The following SPON1 variants were observed in gnomAD, a reference collection of about 807,000 sequenced individuals.
The protein encoded by SPON1 is spondin-1.
SPON1 carries 52 observed loss-of-function variants against 111.7 expected under a neutral mutation model. The observed-to-expected ratio is 0.47, with a 90% CI of 0.37 to 0.59. SPON1 has a LOEUF of 0.59. Among genes scored for constraint, SPON1 ranks in the 20% least tolerant of loss-of-function variants. The pLI is 0.00. For missense variants in SPON1, 957 were observed against 1,068.5 expected (o/e 0.90, Z 1.46); for synonymous variants, 410 against 395.8 (o/e 1.04, Z -0.43).
At chr11:14,110,214 G>A (rs1849217215) in intron 5 of SPON1, among the ~76,000 whole-genome samples, 1 of 152,140 alleles carries the variant, frequency 6.6e-6, no homozygotes, top group South Asian at 2.1e-4. Context: ...GTGAATTGCA[G>A]CTCCCCTTTT....
intron 6 of SPON1, among the ~76,000 whole-genome samples, chr11:14,199,813 C>T (rs1848442161): frequency 6.6e-6 from 1 of 152,198 alleles, no homozygotes; most frequent in African/African-American, 2.4e-5. Flanking sequence ...GGGTGCAAGC[C>T]CTCAGTGGGG....
chr11:14,102,581 G>C (rs1849152388), intron 5 of SPON1, among the ~76,000 whole-genome samples: 1 of 152,098 alleles, frequency 6.6e-6, no homozygotes, highest in South Asian at 2.1e-4. Context: ...TAAAAATTCT[G>C]GTTCAAGATC....
chr11:14,049,952 A>C (rs561613752), intron 3 of SPON1, among the ~76,000 whole-genome samples: 2 of 152,320 alleles, frequency 1.3e-5, no homozygotes, highest in African/African-American at 4.8e-5. Flanking sequence ...CCTCAGGTCT[A>C]TCAGAGAAAG....
At chr11:14,224,750 G>A (rs1025412) in intron 6 of SPON1, 257,748 of 499,704 alleles carry the variant, frequency 0.52, 67,987 homozygotes, top group East Asian at 0.62. Context: ...GTGAAAGACT[G>A]AGGGAGATAT....
At chr11:13,994,514 G>A (rs1848255620) in intron 2 of SPON1, among the ~76,000 whole-genome samples, 1 of 152,136 alleles carries the variant, frequency 6.6e-6, no homozygotes, top group Non-Finnish European at 1.5e-5. Flanking sequence ...CATGGCCACT[G>A]ATGTGAAGGG....
chr11:14,112,376 A>G (rs1849232861), intron 5 of SPON1, among the ~76,000 whole-genome samples: 1 of 152,200 alleles, frequency 6.6e-6, no homozygotes, highest in Non-Finnish European at 1.5e-5. Context: ...CATTACATCT[A>G]AAGCTTTATT....
intron 2 of SPON1, among the ~76,000 whole-genome samples, chr11:14,035,881 G>C (rs1178664768): frequency 6.6e-6 from 1 of 152,132 alleles, no homozygotes; most frequent in East Asian, 1.9e-4. Context: ...GCCTCCCAAA[G>C]TGCTGGGGTT....
intron 2 of SPON1, among the ~76,000 whole-genome samples, chr11:14,022,196 T>C (rs1327200715): frequency 6.6e-6 from 1 of 152,214 alleles, no homozygotes; most frequent in African/African-American, 2.4e-5. Flanking sequence ...AAAAGACATT[T>C]GGTTATTTTT....
chr11:13,986,205 A>T (rs971208242), intron 2 of SPON1, among the ~76,000 whole-genome samples: 2 of 152,194 alleles, frequency 1.3e-5, no homozygotes, highest in Non-Finnish European at 2.9e-5. Context: ...AAAGTCAACA[A>T]GTCACCCATT....
intron 3 of SPON1, among the ~76,000 whole-genome samples, chr11:14,059,460 C>T (rs1435289604): frequency 6.6e-6 from 1 of 152,094 alleles, no homozygotes; most frequent in African/African-American, 2.4e-5. Flanking sequence ...GTAGACCCCC[C>T]ACTACCCCCT....
intron 2 of SPON1, among the ~76,000 whole-genome samples, chr11:14,004,045 C>T (rs1270121202): frequency 1.3e-5 from 2 of 152,020 alleles, no homozygotes; most frequent in African/African-American, 4.8e-5. Flanking sequence ...TTTTCTTTCT[C>T]TTTCTGGCTT....
intron 3 of SPON1, among the ~76,000 whole-genome samples, chr11:14,053,013 G>A (rs1848719276): frequency 6.6e-6 from 1 of 152,146 alleles, no homozygotes; most frequent in East Asian, 1.9e-4. Flanking sequence ...GCTAGCACCA[G>A]GTCTATGGCA....
At chr11:13,974,678 G>A (rs1437061672) in intron 1 of SPON1, among the ~76,000 whole-genome samples, 2 of 152,030 alleles carry the variant, frequency 1.3e-5, no homozygotes, top group Non-Finnish European at 2.9e-5. Context: ...TGGCTTTTAG[G>A]GCAAAGCTGT....
At chr11:14,198,092 A>G (rs1290648554) in intron 6 of SPON1, among the ~76,000 whole-genome samples, 1 of 152,248 alleles carries the variant, frequency 6.6e-6, no homozygotes, top group Non-Finnish European at 1.5e-5. Context: ...TCTAGACGAT[A>G]ACTAGAATGG....
chr11:14,122,336 G>A (rs113373294), intron 5 of SPON1, among the ~76,000 whole-genome samples: 1,847 of 152,212 alleles, frequency 0.012, 19 homozygotes, highest in Non-Finnish European at 0.02. Context: ...ACCAGGCCTG[G>A]CTACTTTTTT....
intron 2 of SPON1, among the ~76,000 whole-genome samples, chr11:14,032,605 C>T (rs1554916201): frequency 2.6e-5 from 4 of 152,214 alleles, no homozygotes; most frequent in African/African-American, 9.7e-5. Context: ...TTATCATCCT[C>T]ATTTTGCAGA....
chr11:14,135,663 A>G lies in SPON1; in HGVS notation c.825+95A>G, dbSNP rs1198929931. On this transcript the variant is annotated intron_variant, in intron 6 of 15. Coordinates refer to ENST00000576479, the MANE Select transcript of SPON1 (RefSeq NM_006108.4). The surrounding 1 kb of genome is among the most constrained non-coding windows in gnomAD (Gnocchi z 4.4). ...CCAGGGGCTTGAAATTTGCAGTACA[A>G]TGTGGTGGAAGAAAATCTATTTGCT... 2.4e-6 allele frequency: 3 copies of G among 1,257,214 alleles called. No individual in the cohort carries two copies. The highest frequency in any genetic ancestry group is 1.5e-5 in the African/African-American group (1 of 67,016). 77.9% of individuals were successfully genotyped at this position (1,257,214 alleles called of 1,614,324 possible). A position where few individuals can be genotyped will look rare whatever the true frequency, so the allele number is the denominator to read the frequency against.
chr11:14,160,659 A>ATATATATATT (rs1847917225), intron 6 of SPON1, among the ~76,000 whole-genome samples: 1 of 30,858 alleles, frequency 3.2e-5, no homozygotes, highest in African/African-American at 1.2e-4. Flanking sequence ...TTATATATTT[A>ATATATATATT]TATATATATT....
At chr11:14,200,814 TAAAAAAAA>T (rs572814576) in intron 6 of SPON1, among the ~76,000 whole-genome samples, 3,034 of 79,160 alleles carry the variant, frequency 0.038, 76 homozygotes, top group African/African-American at 0.076. Flanking sequence ...GACCCTGTCT[TAAAAAAAA>T]AAAAAAAAAA....
Sources: gnomAD v4.1 joint callset for allele counts (sites outside exome capture counted in the v4.1 genomes callset) on GRCh38, gnomAD v4.1.1 for gene constraint, Gnocchi (gnomAD v3.1) non-coding constraint, MANE v1.5 for transcripts, NCBI Gene and HGNC (gene_info 2026-07-23, HGNC 2026-07-21) for gene names.